Variants in MOB4 observed in about 807,000 individuals in gnomAD.
MOB4 encodes the protein MOB family member 4, phocein, also known as MOB-like protein phocein.
Under a neutral mutation model 32.2 loss-of-function variants are expected in MOB4, and 4 were observed. That is an observed-to-expected ratio of 0.12 (90% CI 0.06 to 0.28). The LOEUF is 0.28. MOB4 is among the 10% of genes least tolerant of loss of function. The probability of loss-of-function intolerance (pLI) is 1.00; values close to 1 mark genes in which losing one functional copy is unlikely to be tolerated. For synonymous variants in MOB4, 88 were observed against 88.1 expected, an observed-to-expected ratio of 1.00 and a Z score of 0.01; for missense variants, 158 against 271.2, an observed-to-expected ratio of 0.58 and a Z score of 2.93.
At chr2:197,525,669 T>G (rs1398308971) in intron 2 of MOB4, among the ~76,000 whole-genome samples, 33 of 149,878 alleles carry the variant, frequency 2.2e-4, no homozygotes, top group Admixed American at 2.2e-3. Flanking sequence ...GAGCTGTGAT[T>G]GCACCACTGC....
At chr2:197,532,879 A>G (rs547991400) in intron 2 of MOB4, among the ~76,000 whole-genome samples, 12 of 152,142 alleles carry the variant, frequency 7.9e-5, no homozygotes, top group Non-Finnish European at 1.5e-4. Flanking sequence ...CAGGTGGATC[A>G]CTTGAGGTCA....
intron 3 of MOB4, 84 bp from the exon 4 acceptor site, chr2:197,540,027 T>C: frequency 6.9e-7 from 1 of 1,447,172 alleles, no homozygotes; most frequent in Non-Finnish European, 9.4e-7. Context: ...ATGATACTGA[T>C]GGGATTCTCT....
At chr2:197,535,654 A>T (rs1384371654) in intron 3 of MOB4, 24 bp downstream of exon 3, 2 of 1,586,266 alleles carry the variant, frequency 1.3e-6, no homozygotes, top group Non-Finnish European at 1.7e-6. Context: ...TCAAAATACT[A>T]ATAGTACCTC....
chr2:197,515,728 C>T (rs1289823111), upstream of MOB4: 1 of 302,070 alleles, frequency 3.3e-6, no homozygotes, highest in Non-Finnish European at 6.2e-6. Flanking sequence ...GTTCGTTCTT[C>T]CCGTGTAACT....
intron 3 of MOB4, among the ~76,000 whole-genome samples, chr2:197,536,197 G>A (rs1457992810): frequency 1.3e-5 from 2 of 151,882 alleles, no homozygotes; most frequent in African/African-American, 4.8e-5. Flanking sequence ...ATTCATTTGG[G>A]CCTTATTATC....
At chr2:197,548,996 A>T (rs1176210710) in intron 6 of MOB4, among the ~76,000 whole-genome samples, 1 of 152,048 alleles carries the variant, frequency 6.6e-6, no homozygotes, top group East Asian at 1.9e-4. Context: ...TGGGAGGCCG[A>T]GGCGTGCGGA....
At chr2:197,539,984 G>A in intron 3 of MOB4, 127 bp from the exon 4 acceptor site, 1 of 927,172 alleles carries the variant, frequency 1.1e-6, no homozygotes, top group Non-Finnish European at 1.5e-6. Context: ...TGTCAGTTTA[G>A]GTGGTTTTGA....
At chr2:197,524,793 C>T (rs905711390) in intron 2 of MOB4, among the ~76,000 whole-genome samples, 9 of 150,010 alleles carry the variant, frequency 6.0e-5, no homozygotes, top group East Asian at 2.0e-4. Context: ...TTTTTTTAGA[C>T]GGGGTCTCAC....
chr2:197,531,471 C>T (rs2086703424), intron 2 of MOB4, among the ~76,000 whole-genome samples: 1 of 152,162 alleles, frequency 6.6e-6, no homozygotes, highest in African/African-American at 2.4e-5. Flanking sequence ...TAAATAATAA[C>T]TCCCTATTCC....
rs550260911 is a variant in MOB4, at chr2:197,549,994, A to T, written c.435-281A>T. On this transcript the variant is annotated intron_variant, in intron 6 of 7. Coordinates refer to ENST00000323303, the MANE Select transcript of MOB4 (RefSeq NM_015387.5). ...TAATGTTGGAAATAGATGTTATAGT[A>T]AATTTTGAAATGTCAGGGATTTATT... 2.0e-5 allele frequency among the ~76,000 whole-genome samples: 3 copies of T among 152,322 alleles called. No homozygotes were observed. In the East Asian group the frequency reaches 5.8e-4, roughly 29 times the overall value.
intron 2 of MOB4, chr2:197,534,004 G>A: frequency 6.1e-6 from 3 of 494,040 alleles, no homozygotes; most frequent in Non-Finnish European, 1.2e-5. Context: ...ACTTAATATT[G>A]CATCAAGGTC....
intron 1 of MOB4, 93 bp from the exon 2 acceptor site, chr2:197,523,531 C>T: frequency 7.8e-7 from 1 of 1,289,780 alleles, no homozygotes; most frequent in Non-Finnish European, 1.1e-6. Context: ...GTTTTTTCTT[C>T]CCCTCTAGTG....
chr2:197,538,030 G>A (rs2086832766), intron 3 of MOB4, among the ~76,000 whole-genome samples: 1 of 152,076 alleles, frequency 6.6e-6, no homozygotes, highest in South Asian at 2.1e-4. Context: ...TGCCCACCTT[G>A]GCCTCCCAAA....
intron 1 of MOB4, among the ~76,000 whole-genome samples, chr2:197,517,689 C>T (rs1218461390): frequency 2.0e-5 from 3 of 151,446 alleles, no homozygotes; most frequent in African/African-American, 7.3e-5. Context: ...TAAAATATAA[C>T]AGAAAAAGGA....
chr2:197,526,304 CTT>C, intron 2 of MOB4, among the ~76,000 whole-genome samples: 1 of 151,902 alleles, frequency 6.6e-6, no homozygotes, highest in Non-Finnish European at 1.5e-5. Flanking sequence ...TCATGTGTTT[CTT>C]TTTCTTACTT....
intron 2 of MOB4, among the ~76,000 whole-genome samples, chr2:197,526,439 C>T (rs2086613350): frequency 1.3e-5 from 2 of 152,194 alleles, no homozygotes; most frequent in Admixed American, 6.5e-5. Context: ...GCCTCAGCCT[C>T]CTGAATAGCT....
intron 3 of MOB4, among the ~76,000 whole-genome samples, chr2:197,536,722 C>T (rs1425494468): frequency 6.6e-6 from 1 of 151,212 alleles, no homozygotes; most frequent in East Asian, 1.9e-4. Flanking sequence ...CTGCCTCAGC[C>T]TCCCGAGTAG....
chr2:197,516,509 C>T (rs1355410450), intron 1 of MOB4: 1 of 766,756 alleles, frequency 1.3e-6, no homozygotes, highest in African/African-American at 1.8e-5. Context: ...TGGAGACCCC[C>T]GGGGTTTCCT....
chr2:197,549,904 A>T (rs1181889970), intron 6 of MOB4, among the ~76,000 whole-genome samples: 1 of 151,802 alleles, frequency 6.6e-6, no homozygotes, highest in Non-Finnish European at 1.5e-5. Context: ...AGAATAACCT[A>T]GTTCTGTAAA....
Sources: allele counts gnomAD v4.1 joint callset (sites outside exome capture counted in the v4.1 genomes callset), GRCh38; gene constraint gnomAD v4.1.1; transcripts MANE v1.5; gene names NCBI Gene and HGNC (gene_info 2026-07-23, HGNC 2026-07-21).